ZFYVE27: variants seen among roughly 807,000 people sequenced by gnomAD.
The protein encoded by ZFYVE27 is zinc finger FYVE-type containing 27.
ZFYVE27 carries 36 observed loss-of-function variants against 52.8 expected under a neutral mutation model. The ratio of observed to expected loss-of-function variants is 0.68; its 90% confidence interval spans 0.52 to 0.90. The LOEUF (loss-of-function observed/expected upper bound fraction) is 0.90. Ranked by LOEUF, ZFYVE27 falls within the 40% of genes least tolerant of loss-of-function variation. The probability of loss-of-function intolerance (pLI) is 0.00; values close to 1 mark genes in which losing one functional copy is unlikely to be tolerated. For missense variants in ZFYVE27, 450 were observed against 527.2 expected (o/e 0.85, Z 1.43); for synonymous variants, 223 against 215.6 (o/e 1.03, Z -0.30).
At chr10:97,738,780 C>G in intron 2 of ZFYVE27, 106 bp downstream of exon 2, 1 of 1,332,568 alleles carries the variant, frequency 7.5e-7, no homozygotes. Flanking sequence ...CCTTTCTGCC[C>G]TAGTGAGGAG....
chr10:97,753,783 C>G (rs2047626658), intron 10 of ZFYVE27, among the ~76,000 whole-genome samples: 3 of 152,188 alleles, frequency 2.0e-5, no homozygotes, highest in Non-Finnish European at 1.5e-5. Flanking sequence ...TCCTAGGATC[C>G]TGTCTTGGTC....
rs748660256 is a variant in ZFYVE27 at position 97,738,634 on chromosome 10, C to T, written c.157C>T (p.Pro53Ser). The T allele has an allele frequency of 1.2e-5, 20 of 1,614,090 alleles. No homozygotes were observed. The highest frequency in any genetic ancestry group is 2.5e-6 in the Non-Finnish European group (3 of 1,180,044). Reference sequence around the variant, plus strand: ...CAAGAGGCTGGAGATCTACCTGGAACCCTTGAAGGATGCAGGTGATGGTGT... The same window carrying T: ...CAAGAGGCTGGAGATCTACCTGGAATCCTTGAAGGATGCAGGTGATGGTGT... ...SYKRLEIYLE[P>S]LKDAGDGVRY... is the part of the protein sequence containing the mutation. The change falls in exon 2 of 13, where the codon CCC becomes TCC. Residue 53 changes from proline to serine, a missense_variant. Physicochemically the swap from Pro to Ser is moderately conservative, Grantham distance 74 (BLOSUM62 -1). Transcript: ENST00000684270.
chr10:97,757,639 C>T lies in ZFYVE27; in HGVS notation c.1090-3C>T, dbSNP rs190144470. 2 of 1,614,196 alleles carry T rather than the reference C, an allele frequency of 1.2e-6. No homozygotes were observed. Among genetic ancestry groups the T allele is most frequent in the Admixed American group, 3.3e-5 (2 of 60,034 alleles). On this transcript the variant is annotated splice_polypyrimidine_tract_variant and splice_region_variant and intron_variant, in intron 11 of 12. Transcript: ENST00000684270. ...CACATCTGACCTTGGCTCTTGTCTG[C>T]AGCGGAGCTGCAGTAATTGTGGAAA...
chr10:97,759,797 T>C lies in ZFYVE27; in HGVS notation c.*497T>C, dbSNP rs1032280455. 88 of 191,108 alleles carry C rather than the reference T, an allele frequency of 4.6e-4. No individual in the cohort carries two copies. The highest frequency in any genetic ancestry group is 1.9e-3 in the African/African-American group (82 of 43,796). 11.8% of individuals were successfully genotyped at this position (191,108 alleles called of 1,614,324 possible). Reference sequence around the variant, plus strand: ...CCACACCCCATCTCTGCTGATTGAATGTCCCTCCAGGCACCAGGATCTCAT... The same window carrying C: ...CCACACCCCATCTCTGCTGATTGAACGTCCCTCCAGGCACCAGGATCTCAT... On this transcript the variant is annotated 3_prime_UTR_variant, in exon 13 of 13. Coordinates refer to ENST00000684270, the MANE Select transcript of ZFYVE27 (RefSeq NM_001385875.1).
intron 7 of ZFYVE27, 132 bp downstream of exon 7, chr10:97,750,602 G>A: frequency 1.7e-6 from 2 of 1,185,274 alleles, no homozygotes; most frequent in Middle Eastern, 2.8e-4. Flanking sequence ...CCCCTGAAGT[G>A]TTCAATAATA....
intron 1 of ZFYVE27, among the ~76,000 whole-genome samples, chr10:97,737,796 T>C (rs1023274017): frequency 6.6e-6 from 1 of 152,222 alleles, no homozygotes; most frequent in Non-Finnish European, 1.5e-5. Context: ...GGCGTTCTGA[T>C]GCCGACTGCC....
At chr10:97,749,916 G>T in intron 6 of ZFYVE27, 1 of 415,442 alleles carries the variant, frequency 2.4e-6, no homozygotes, top group Non-Finnish European at 4.5e-6. Flanking sequence ...CTGGGGTGCA[G>T]CCACCTGGAG....
chr10:97,750,944 T>C (rs1170141993), intron 7 of ZFYVE27, among the ~76,000 whole-genome samples: 5 of 152,118 alleles, frequency 3.3e-5, no homozygotes, highest in Admixed American at 6.5e-5. Context: ...GGTTTTGCCA[T>C]GTTGCCCAGG....
Position 97,743,168 on chromosome 10 carries a change from A to G in ZFYVE27, c.268+4A>G. 1 of 1,614,208 alleles carries G rather than the reference A, an allele frequency of 6.2e-7. No individual in the cohort carries two copies. The highest frequency in any genetic ancestry group is 1.1e-5 in the South Asian group (1 of 91,078). ...TTGTTCCTCACTTTGAATGAGGGTA[A>G]GAACTGCCTTCAGGGGCCAGTGGTT... is the stretch of plus-strand genomic sequence containing the variant. On this transcript the variant is annotated splice_donor_region_variant and intron_variant, in intron 3 of 12. Transcript: ENST00000684270.
At position 97,757,259 on chromosome 10, in the gene ZFYVE27, TC is replaced by T; in HGVS notation, c.1043-5del. ...CGGGGGTTGAGCTGCTGCCTCTGTTTCTCAGGGAACTGCACGGGCTGCTCGG... is the reference window on the plus strand; with the variant it reads ...CGGGGGTTGAGCTGCTGCCTCTGTTTTCAGGGAACTGCACGGGCTGCTCGG... On this transcript the variant is annotated splice_region_variant and splice_polypyrimidine_tract_variant and intron_variant, in intron 10 of 12. Coordinates refer to ENST00000684270, the MANE Select transcript of ZFYVE27 (RefSeq NM_001385875.1). 1 of 1,614,114 alleles carries T rather than the reference TC, an allele frequency of 6.2e-7. No homozygotes were observed.
intron 5 of ZFYVE27, among the ~76,000 whole-genome samples, chr10:97,748,597 A>G (rs960709596): frequency 1.3e-5 from 2 of 152,228 alleles, no homozygotes; most frequent in South Asian, 2.1e-4. Context: ...AACTCACCAT[A>G]TAATCCACCA....
chr10:97,753,206 G>T, intron 10 of ZFYVE27, 24 bp downstream of exon 10: 1 of 1,604,028 alleles, frequency 6.2e-7, no homozygotes. Flanking sequence ...ACAGGGCTGG[G>T]CTGGTGGGGG....
intron 8 of ZFYVE27, among the ~76,000 whole-genome samples, chr10:97,752,360 T>A (rs965689866): frequency 1.3e-5 from 2 of 152,214 alleles, no homozygotes; most frequent in Admixed American, 1.3e-4. Context: ...TGCAGGCATT[T>A]GACTTTCTGA....
chr10:97,748,043 A>G (rs1590048092), intron 4 of ZFYVE27, among the ~76,000 whole-genome samples: 1 of 152,298 alleles, frequency 6.6e-6, no homozygotes, highest in East Asian at 1.9e-4. Context: ...GAACATTTAT[A>G]CTGTTTCCAC....
intron 7 of ZFYVE27, 161 bp from the exon 8 acceptor site, chr10:97,751,230 C>G: frequency 1.3e-6 from 1 of 756,564 alleles, no homozygotes. Context: ...CCCGCCCTGC[C>G]AGGCTAGAGG....
rs1085307948 is a variant in ZFYVE27, at chr10:97,752,878, G to A, written c.897+1G>A. ...GCAGGAGACCCACTTGGTGGTGCTG[G>A]TAAGTGGAAGCCTTGGTGGGTGGGC... is the stretch of plus-strand genomic sequence containing the variant. On this transcript the variant is annotated splice_donor_variant, in intron 9 of 12. Transcript: ENST00000684270. LOFTEE classifies it high-confidence loss of function. The A allele has an allele frequency of 2.3e-6, 3 of 1,330,636 alleles. No individual in the cohort carries two copies. The highest frequency in any genetic ancestry group is 3.2e-6 in the Non-Finnish European group (3 of 949,916). 82.4% of individuals were successfully genotyped at this position (1,330,636 alleles called of 1,614,324 possible). A position where few individuals can be genotyped will look rare whatever the true frequency, so the allele number is the denominator to read the frequency against.
At chr10:97,744,634 C>T (rs2044672589) in intron 3 of ZFYVE27, 95 bp from the exon 4 acceptor site, 1 of 1,459,474 alleles carries the variant, frequency 6.9e-7, no homozygotes, top group East Asian at 2.3e-5. Flanking sequence ...CTGGCAGAGC[C>T]CTGGAGGAGG....
At chr10:97,755,245 G>T (rs2136315250) in intron 10 of ZFYVE27, among the ~76,000 whole-genome samples, 1 of 152,364 alleles carries the variant, frequency 6.6e-6, no homozygotes, top group East Asian at 1.9e-4. Context: ...TTTGCCATGA[G>T]GGCAGGTGTA....
At chr10:97,749,773 A>G (rs987840990) in intron 6 of ZFYVE27, among the ~76,000 whole-genome samples, 187 bp downstream of exon 6, 7 of 152,202 alleles carry the variant, frequency 4.6e-5, no homozygotes, top group Non-Finnish European at 8.8e-5. Flanking sequence ...GAATCTCACC[A>G]GGGGAGGCTG....
Sources: allele counts gnomAD v4.1 joint callset (sites outside exome capture counted in the v4.1 genomes callset), GRCh38; gene constraint gnomAD v4.1.1; transcripts MANE v1.5; gene names NCBI Gene and HGNC (gene_info 2026-07-23, HGNC 2026-07-21).